WASHC3: variants seen among roughly 807,000 people sequenced by gnomAD.
WASHC3 encodes WASH complex subunit CCDC53.
Under a neutral mutation model 26.1 loss-of-function variants are expected in WASHC3, and 24 were observed. That is an observed-to-expected ratio of 0.92 (90% CI 0.66 to 1.29). The LOEUF (loss-of-function observed/expected upper bound fraction) is 1.29, where lower values mean the gene tolerates loss of function less well. Ranked by LOEUF, WASHC3 falls within the 50% of genes most tolerant of loss-of-function variation. The pLI is 0.00. For synonymous variants in WASHC3, 77 were observed against 75.7 expected, an observed-to-expected ratio of 1.02 and a Z score of -0.09; for missense variants, 214 against 229.6, an observed-to-expected ratio of 0.93 and a Z score of 0.44.
intron 4 of WASHC3, among the ~76,000 whole-genome samples, chr12:102,040,833 A>AATCTCTCT (rs1264776598): frequency 6.6e-6 from 1 of 152,036 alleles, no homozygotes; most frequent in Non-Finnish European, 1.5e-5. Flanking sequence ...TACTTTGGTG[A>AATCTCTCT]ATCTCTCTCA....
At chr12:102,018,464 T>C (rs144351940) in intron 6 of WASHC3, among the ~76,000 whole-genome samples, 134 of 150,092 alleles carry the variant, frequency 8.9e-4, no homozygotes, top group Non-Finnish European at 1.7e-3. Context: ...TTACCAGTAC[T>C]TATTGTCTTT....
chr12:102,025,010 A>G (rs981777731), intron 6 of WASHC3, among the ~76,000 whole-genome samples: 1 of 152,176 alleles, frequency 6.6e-6, no homozygotes, highest in Non-Finnish European at 1.5e-5. Flanking sequence ...ATATGTTTGA[A>G]ATTTGTTCTT....
intron 5 of WASHC3, among the ~76,000 whole-genome samples, chr12:102,027,001 T>A (rs1259079348): frequency 6.6e-6 from 1 of 152,234 alleles, no homozygotes; most frequent in Non-Finnish European, 1.5e-5. Flanking sequence ...TTGCACACAC[T>A]TCTTTTATCA....
chr12:102,035,214 TC>T (rs1029939386), intron 5 of WASHC3, among the ~76,000 whole-genome samples: 1 of 152,134 alleles, frequency 6.6e-6, no homozygotes, highest in Non-Finnish European at 1.5e-5. Context: ...CCTGATAAAT[TC>T]CTAAGTTGCC....
intron 5 of WASHC3, among the ~76,000 whole-genome samples, chr12:102,030,026 T>A (rs1877365178): frequency 6.6e-6 from 1 of 152,190 alleles, no homozygotes. Context: ...CCGGGCGCAG[T>A]GGTTCATGCC....
chr12:102,034,366 T>C (rs1179593036), intron 5 of WASHC3, among the ~76,000 whole-genome samples: 1 of 152,152 alleles, frequency 6.6e-6, no homozygotes, highest in Non-Finnish European at 1.5e-5. Flanking sequence ...TCTCTCGTGA[T>C]TGTTCTTCAC....
Position 102,061,894 on chromosome 12 carries a change from G to A in WASHC3, c.51+18C>T. The A allele has an allele frequency of 1.9e-6, 3 of 1,588,976 alleles. No individual in the cohort carries two copies. Among genetic ancestry groups the A allele is most frequent in the Non-Finnish European group, 2.6e-6 (3 of 1,166,104 alleles). ...CTCCTCCCGGCTCGTCGGGAGTCTA[G>A]CACCGTCTTTTACAAACCTTGGTCA... On this transcript the variant is annotated intron_variant, in intron 1 of 6. Transcript: ENST00000240079.
chr12:102,062,016 G>A, upstream of WASHC3: 8 of 1,474,956 alleles, frequency 5.4e-6, no homozygotes, highest in Non-Finnish European at 7.4e-6. Context: ...CCCAGATGGG[G>A]CCCGCCCAAC....
At chr12:102,060,310 T>C (rs767828640) in intron 2 of WASHC3, among the ~76,000 whole-genome samples, 8 of 152,224 alleles carry the variant, frequency 5.3e-5, no homozygotes, top group African/African-American at 1.2e-4. Context: ...ATCCTCTTTT[T>C]TAAAACAAAA....
chr12:102,041,008 A>G (rs915574515), intron 4 of WASHC3, among the ~76,000 whole-genome samples: 1 of 151,916 alleles, frequency 6.6e-6, no homozygotes, highest in African/African-American at 2.4e-5. Context: ...TCAAATATAA[A>G]TTAAATCTGT....
chr12:102,046,097 C>T lies in WASHC3; in HGVS notation c.173G>A (p.Arg58His), dbSNP rs770901553. Residue 58 changes from arginine (R) to histidine (H), a missense_variant, in exon 3 of 7, where the codon CGT becomes CAT. Arg to His is a conservative substitution (Grantham distance 29). Coordinates refer to ENST00000240079, the MANE Select transcript of WASHC3 (RefSeq NM_016053.4). ...GAGAGTTGTTTCAATTTGTTGGATA[C>T]GAAGTGAAAGGTCTGCCAGTTTCTG... ...CEEKLADLSL[R>H]IQQIETTLNI... The T allele has an allele frequency of 1.0e-5, 16 of 1,594,760 alleles. No homozygotes were observed. Among genetic ancestry groups the T allele is most frequent in the African/African-American group, 2.7e-5 (2 of 74,514 alleles).
At chr12:102,043,057 C>CACTTTTTAGACA (rs796512325) in intron 4 of WASHC3, among the ~76,000 whole-genome samples, 27 of 152,222 alleles carry the variant, frequency 1.8e-4, no homozygotes, top group African/African-American at 5.1e-4. Flanking sequence ...TTCAAAAACA[C>CACTTTTTAGACA]ACTGGTATTT....
intron 5 of WASHC3, among the ~76,000 whole-genome samples, chr12:102,027,789 T>C (rs775143002): frequency 7.2e-5 from 11 of 152,142 alleles, no homozygotes; most frequent in Non-Finnish European, 1.3e-4. Context: ...GCAAAGGCAA[T>C]GTGGTCATTT....
At chr12:102,015,797 A>T (rs1454335333) in intron 6 of WASHC3, among the ~76,000 whole-genome samples, 1 of 152,236 alleles carries the variant, frequency 6.6e-6, no homozygotes, top group Non-Finnish European at 1.5e-5. Context: ...ATGATGTTTC[A>T]ATCAGTGATG....
intron 5 of WASHC3, among the ~76,000 whole-genome samples, chr12:102,027,386 C>G (rs1178206613): frequency 6.6e-6 from 1 of 152,040 alleles, no homozygotes; most frequent in African/African-American, 2.4e-5. Flanking sequence ...TTGTATTTCC[C>G]AGTAAAATCT....
intron 2 of WASHC3, among the ~76,000 whole-genome samples, chr12:102,055,972 C>A (rs1878578396): frequency 6.6e-6 from 1 of 152,190 alleles, no homozygotes; most frequent in Non-Finnish European, 1.5e-5. Flanking sequence ...ACATACTCTA[C>A]CTACAAAGAC....
At chr12:102,013,636 A>G (rs999199970) in intron 6 of WASHC3, among the ~76,000 whole-genome samples, 4 of 152,246 alleles carry the variant, frequency 2.6e-5, no homozygotes, top group Non-Finnish European at 5.9e-5. Flanking sequence ...GAAATGGAAG[A>G]GAGTTCAAAA....
At chr12:102,060,618 C>T (rs943376103) in intron 2 of WASHC3, among the ~76,000 whole-genome samples, 4 of 152,064 alleles carry the variant, frequency 2.6e-5, no homozygotes, top group Non-Finnish European at 5.9e-5. Context: ...TTTTGGGGTA[C>T]GGGAACGAAT....
intron 2 of WASHC3, among the ~76,000 whole-genome samples, chr12:102,046,642 T>A (rs1878179387): frequency 6.6e-6 from 1 of 152,202 alleles, no homozygotes; most frequent in African/African-American, 2.4e-5. Context: ...AAGTTGACAT[T>A]TTCTGCAAAC....
Sources: gnomAD v4.1 joint callset for allele counts (sites outside exome capture counted in the v4.1 genomes callset) on GRCh38, gnomAD v4.1.1 for gene constraint, MANE v1.5 for transcripts, NCBI Gene and HGNC (gene_info 2026-07-23, HGNC 2026-07-21) for gene names.